Variants in CTBS observed in about 807,000 individuals in gnomAD.
CTBS encodes the protein di-N-acetylchitobiase.
In CTBS, 35 loss-of-function variants were observed where a neutral mutation model predicts 44.3. That is an observed-to-expected ratio of 0.79 (90% CI 0.60 to 1.05). The LOEUF is 1.05. Among genes scored for constraint, CTBS ranks in the 50% least tolerant of loss-of-function variants. The pLI is 0.00. For missense variants in CTBS, 458 were observed against 475.3 expected, an observed-to-expected ratio of 0.96 and a Z score of 0.34; for synonymous variants, 143 against 168.0, an observed-to-expected ratio of 0.85 and a Z score of 1.15.
chr1:84,563,991 T>G, intron 4 of CTBS, 159 bp from the exon 5 acceptor site: 1 of 461,668 alleles, frequency 2.2e-6, no homozygotes, highest in South Asian at 9.2e-5. Context: ...TTAAGAACCA[T>G]AAATTCTATA....
At chr1:84,571,021 A>G (rs192829882) in intron 1 of CTBS, among the ~76,000 whole-genome samples, 3 of 152,318 alleles carry the variant, frequency 2.0e-5, no homozygotes. Context: ...GGGAGAGAGC[A>G]TTAGTGAAGG....
intron 6 of CTBS, among the ~76,000 whole-genome samples, chr1:84,557,116 C>CA (rs2102017094): frequency 6.6e-6 from 1 of 152,278 alleles, no homozygotes; most frequent in Non-Finnish European, 1.5e-5. Flanking sequence ...ATGGTTAAGG[C>CA]ATATTTGCTT....
intron 4 of CTBS, among the ~76,000 whole-genome samples, chr1:84,564,839 C>T (rs1480919122): frequency 6.6e-6 from 1 of 152,014 alleles, no homozygotes; most frequent in Non-Finnish European, 1.5e-5. Flanking sequence ...TGCGGCCAGC[C>T]TGGGCAACAT....
chr1:84,569,875 T>G (rs1647245182), intron 3 of CTBS, 56 bp downstream of exon 3: 451 of 1,324,428 alleles, frequency 3.4e-4, no homozygotes, highest in Non-Finnish European at 4.4e-4. Flanking sequence ...TATACCCTCA[T>G]GAGTATATTC....
Position 84,550,631 on chromosome 1 carries a change from G to A in CTBS, c.*4368C>T, listed in dbSNP as rs1179419737. On this transcript the variant is annotated 3_prime_UTR_variant, in exon 7 of 7. Transcript: ENST00000370630. ...GTGTCAATAATATAAGGGTAGCCAGGATTGACTGTATTAAAATTGTTACCT... is the reference window on the plus strand; with the variant it reads ...GTGTCAATAATATAAGGGTAGCCAGAATTGACTGTATTAAAATTGTTACCT... The A allele has an allele frequency of 1.0e-5, 13 of 1,297,640 alleles. No homozygotes were observed. The highest frequency in any genetic ancestry group is 1.3e-5 in the Non-Finnish European group (13 of 1,016,326). The allele number at this position is 1,297,640 out of a possible 1,614,324, so 80.4% of individuals were successfully genotyped here.
rs921964419 is a variant in CTBS at position 84,551,376 on chromosome 1, A to G, written c.*3623T>C. 2.7e-6 allele frequency: 2 copies of G among 754,702 alleles called. No individual in the cohort carries two copies. Among genetic ancestry groups the G allele is most frequent in the African/African-American group, 3.8e-5 (2 of 52,646 alleles). 46.8% of individuals were successfully genotyped at this position (754,702 alleles called of 1,614,324 possible). A position where few individuals can be genotyped will look rare whatever the true frequency, so the allele number is the denominator to read the frequency against. Reference sequence around the variant, plus strand: ...TCGGTTTCAGATAAAAATAAAAATAAATAAAATTTAAAAATAAAAAAATAG... The same window carrying G: ...TCGGTTTCAGATAAAAATAAAAATAGATAAAATTTAAAAATAAAAAAATAG... On this transcript the variant is annotated 3_prime_UTR_variant, in exon 7 of 7. Transcript: ENST00000370630.
intron 6 of CTBS, among the ~76,000 whole-genome samples, chr1:84,556,435 G>A (rs1051944504): frequency 1.3e-5 from 2 of 152,032 alleles, no homozygotes; most frequent in South Asian, 2.1e-4. Context: ...CTTTGGGGCC[G>A]GGCACGGTGT....
In CTBS at chr1:84,553,231, TTC is replaced by T; in HGVS notation, c.*1766_*1767del. The T allele has an allele frequency of 3.1e-6, 2 of 639,100 alleles. No homozygotes were observed. Among genetic ancestry groups the T allele is most frequent in the Non-Finnish European group, 5.2e-6 (2 of 387,862 alleles). The allele number at this position is 639,100 out of a possible 1,614,324, so 39.6% of individuals were successfully genotyped here. A position where few individuals can be genotyped will look rare whatever the true frequency, so the allele number is the denominator to read the frequency against. On this transcript the variant is annotated 3_prime_UTR_variant, in exon 7 of 7. Coordinates refer to ENST00000370630, the MANE Select transcript of CTBS (RefSeq NM_004388.3). ...CAATGTTTTATAAAAAGCACAAGGT[TTC>T]TCTTTCTCCACTTTCCATGTGGGTA...
chr1:84,565,958 A>AAT lies in CTBS; in HGVS notation c.578_579dup (p.Tyr194IlefsTer14), dbSNP rs1684692010. On this transcript the variant is annotated frameshift_variant, in exon 4 of 7. Transcript: ENST00000370630. LOFTEE classifies it high-confidence loss of function. The stretch of plus-strand genomic sequence containing the variant: ...TCACAAGCATCTGCGATTCCAGTAT[A>AAT]ATTATAGCATCTTCTGTCTATGTTC... 1 of 1,596,254 alleles carries AAT rather than the reference A, an allele frequency of 6.3e-7. No homozygotes were observed. The highest frequency in any genetic ancestry group is 1.4e-5 in the African/African-American group (1 of 73,838).
At position 84,550,006 on chromosome 1, in the gene CTBS, G is replaced by C. The variant is rs1684222124; in HGVS notation, c.*4993C>G. The C allele has an allele frequency of 6.6e-6, 1 of 151,350 alleles. No individual in the cohort carries two copies. The highest frequency in any genetic ancestry group is 2.4e-5 in the African/African-American group (1 of 41,278). The allele number at this position is 151,350 out of a possible 1,614,324, so 9.4% of individuals were successfully genotyped here. ...CCACTATAACTCATAAACTTTTCTG[G>C]ACAAAAACCAAAAAGTCTTCTTATT... On this transcript the variant is annotated 3_prime_UTR_variant, in exon 7 of 7. Coordinates refer to ENST00000370630, the MANE Select transcript of CTBS (RefSeq NM_004388.3).
chr1:84,563,789 A>T lies in CTBS; in HGVS notation c.741T>A (p.Leu247=). ...AACCATACCAAGGAACACCCATTAC[A>T]AGTTTCTTAGGATTAATGCTCATCT... ...YIKMSINPKK[L]VMGVPWYGYD... Residue 247 remains leucine (L), a synonymous_variant, in exon 5 of 7, where the codon CTT becomes CTA. Coordinates refer to ENST00000370630, the MANE Select transcript of CTBS (RefSeq NM_004388.3). 1.9e-6 allele frequency: 3 copies of T among 1,609,322 alleles called. No homozygotes were observed. The highest frequency in any genetic ancestry group is 2.2e-5 in the South Asian group (2 of 90,446).
chr1:84,567,964 C>T (rs1483897354), intron 3 of CTBS, among the ~76,000 whole-genome samples: 1 of 152,162 alleles, frequency 6.6e-6, no homozygotes, highest in Non-Finnish European at 1.5e-5. Flanking sequence ...GTTTTACATA[C>T]TCCTACAGAA....
At chr1:84,574,203 AAGCCCAGACCTAG>A in intron 1 of CTBS, 23 bp downstream of exon 1, 6 of 1,593,616 alleles carry the variant, frequency 3.8e-6, no homozygotes, top group Non-Finnish European at 3.4e-6. Context: ...TCGTGCCCTG[AAGCCCAGACCTAG>A]AGGAGCAGAG....
At chr1:84,573,903 T>C in intron 1 of CTBS, 1 of 1,173,254 alleles carries the variant, frequency 8.5e-7, no homozygotes, top group South Asian at 2.7e-5. Context: ...GAAACATAAA[T>C]GGATTATCCT....
At chr1:84,574,093 T>C in intron 1 of CTBS, 146 bp downstream of exon 1, 1 of 1,463,212 alleles carries the variant, frequency 6.8e-7, no homozygotes, top group Non-Finnish European at 9.0e-7. Context: ...ATCTATAAAT[T>C]GAAGGATCCG....
chr1:84,560,626 T>C (rs1281193602), intron 6 of CTBS, among the ~76,000 whole-genome samples: 1 of 152,190 alleles, frequency 6.6e-6, no homozygotes, highest in Non-Finnish European at 1.5e-5. Context: ...ATTTAAGACT[T>C]TGCTAGCTAG....
chr1:84,571,555 A>C (rs899988805), intron 1 of CTBS, among the ~76,000 whole-genome samples: 28 of 152,256 alleles, frequency 1.8e-4, no homozygotes, highest in African/African-American at 5.8e-4. Flanking sequence ...GAAGCACAGA[A>C]GCCTCACTGA....
chr1:84,563,838 C>A lies in CTBS; in HGVS notation c.698-6G>T, dbSNP rs745485779. ...CTTGATGTAGTCATTATATCCTAGT[C>A]AAGCAGGAGAGAAAAAGCATATTTG... is the stretch of plus-strand genomic sequence containing the variant. On this transcript the variant is annotated splice_region_variant and splice_polypyrimidine_tract_variant and intron_variant, in intron 4 of 6. Coordinates refer to ENST00000370630, the MANE Select transcript of CTBS (RefSeq NM_004388.3). 1 of 1,596,878 alleles carries A rather than the reference C, an allele frequency of 6.3e-7. No homozygotes were observed. The highest frequency in any genetic ancestry group is 8.5e-7 in the Non-Finnish European group (1 of 1,171,944).
chr1:84,570,664 A>T lies in CTBS; in HGVS notation c.234T>A (p.Ile78=). 6.2e-7 allele frequency: 1 copy of T among 1,613,522 alleles called. No individual in the cohort carries two copies. The highest frequency in any genetic ancestry group is 8.5e-7 in the Non-Finnish European group (1 of 1,179,402). ...KTWKSYDWSQ[I]TTVATFGKYD... is the part of the protein sequence containing the mutation. Reference sequence around the variant, plus strand: ...ATTTTCCAAATGTTGCCACAGTTGTAATCTGTGACCAATCATAAGATTTCC... The same window carrying T: ...ATTTTCCAAATGTTGCCACAGTTGTTATCTGTGACCAATCATAAGATTTCC... The change falls in exon 2 of 7, where the codon ATT becomes ATA. Residue 78 remains isoleucine, a synonymous_variant. Coordinates refer to ENST00000370630, the MANE Select transcript of CTBS (RefSeq NM_004388.3).
Sources: allele counts gnomAD v4.1 joint callset (sites outside exome capture counted in the v4.1 genomes callset), GRCh38; gene constraint gnomAD v4.1.1; transcripts MANE v1.5; gene names NCBI Gene and HGNC (gene_info 2026-07-23, HGNC 2026-07-21).